The following HS2ST1 variants were observed in gnomAD, a reference collection of about 807,000 sequenced individuals.
The protein encoded by HS2ST1 is 2-O-sulfotransferase.
Under a neutral mutation model 42.9 loss-of-function variants are expected in HS2ST1, and 18 were observed. That is an observed-to-expected ratio of 0.42 (90% confidence interval 0.29 to 0.62). HS2ST1 has a LOEUF of 0.62. Among genes scored for constraint, HS2ST1 ranks in the 20% least tolerant of loss-of-function variants. The probability of loss-of-function intolerance (pLI) is 0.21; values close to 1 mark genes in which losing one functional copy is unlikely to be tolerated. For missense variants in HS2ST1, 334 were observed against 433.8 expected (o/e 0.77, Z 2.04); for synonymous variants, 146 against 152.9 (o/e 0.95, Z 0.33).
chr1:87,089,538 A>G (rs139071781), intron 3 of HS2ST1, among the ~76,000 whole-genome samples: 14 of 152,186 alleles, frequency 9.2e-5, no homozygotes, highest in African/African-American at 3.4e-4. Context: ...TAGCTCCTAT[A>G]GAAACTAGCT....
At position 86,961,258 on chromosome 1, in the gene HS2ST1, A is replaced by T. The variant is rs549932150; in HGVS notation, c.124+46098A>T. Reference sequence around the variant, plus strand: ...TCCATTAAAAAAAAAAATTCCTTGAACTATACAAGCAATAAAATGAACTAC... The same window carrying T: ...TCCATTAAAAAAAAAAATTCCTTGATCTATACAAGCAATAAAATGAACTAC... On this transcript the variant is annotated intron_variant, in intron 1 of 6. Coordinates refer to ENST00000370550, the MANE Select transcript of HS2ST1 (RefSeq NM_012262.4). 1.2e-4 allele frequency among the ~76,000 whole-genome samples: 18 copies of T among 152,212 alleles called. No homozygotes were observed. The East Asian group carries it at 3.5e-3, about 29-fold the overall frequency.
chr1:86,976,651 A>G (rs1334069538), intron 1 of HS2ST1, among the ~76,000 whole-genome samples: 5 of 145,152 alleles, frequency 3.4e-5, no homozygotes, highest in Admixed American at 7.1e-5. Context: ...GAATGAGTCT[A>G]TTATTTCTGT....
At position 87,109,476 on chromosome 1, in the gene HS2ST1, T is replaced by TA. The variant is rs985115427; in HGVS notation, c.*4787dup. On this transcript the variant is annotated 3_prime_UTR_variant, in exon 7 of 7. Transcript: ENST00000370550. ...AAAATAGAGAAAGGGCTATTAGAAT[T>TA]AAAAAAATTTGAAAGTAACTTAATC... The TA allele has an allele frequency of 1.3e-4, 19 of 151,930 alleles. No homozygotes were observed. Among genetic ancestry groups the TA allele is most frequent in the African/African-American group, 4.1e-4 (17 of 41,418 alleles). The allele number at this position is 151,930 out of a possible 1,614,324, so 9.4% of individuals were successfully genotyped here.
chr1:86,964,498 C>T (rs569243108), intron 1 of HS2ST1, among the ~76,000 whole-genome samples: 119 of 152,316 alleles, frequency 7.8e-4, no homozygotes, highest in African/African-American at 2.7e-3. Context: ...ACCAGTCAGG[C>T]GTGGCGGCAC....
intron 1 of HS2ST1, among the ~76,000 whole-genome samples, chr1:86,988,216 G>A (rs1321119984): frequency 6.6e-6 from 1 of 152,198 alleles, no homozygotes; most frequent in Non-Finnish European, 1.5e-5. Flanking sequence ...GCAAAGGGAA[G>A]ACTTGTTATG....
intron 1 of HS2ST1, among the ~76,000 whole-genome samples, chr1:86,935,944 A>G (rs751775418): frequency 3.3e-5 from 5 of 152,202 alleles, no homozygotes; most frequent in Non-Finnish European, 7.3e-5. Context: ...CCGTAATACA[A>G]TTATCAAACA....
chr1:86,992,296 T>C (rs1648975452), intron 1 of HS2ST1, among the ~76,000 whole-genome samples: 1 of 151,730 alleles, frequency 6.6e-6, no homozygotes, highest in Non-Finnish European at 1.5e-5. Flanking sequence ...AACATTCTCA[T>C]CTTGAATAAC....
chr1:87,045,346 A>T, intron 1 of HS2ST1: 1 of 1,311,702 alleles, frequency 7.6e-7, no homozygotes, highest in Non-Finnish European at 1.1e-6. Context: ...ACTTCTTGTG[A>T]TTATTAGCTT....
chr1:87,084,786 C>T (rs929620706), intron 3 of HS2ST1, among the ~76,000 whole-genome samples: 3 of 151,556 alleles, frequency 2.0e-5, no homozygotes, highest in Non-Finnish European at 2.9e-5. Flanking sequence ...CCCCCCCTCT[C>T]CTTCTCCCTC....
At chr1:87,059,893 G>A (rs974979315) in intron 1 of HS2ST1, among the ~76,000 whole-genome samples, 1 of 152,018 alleles carries the variant, frequency 6.6e-6, no homozygotes, top group Non-Finnish European at 1.5e-5. Context: ...TGAATAATAG[G>A]TCTCATCTCT....
chr1:86,968,514 C>T (rs943599391), intron 1 of HS2ST1, among the ~76,000 whole-genome samples: 1 of 151,904 alleles, frequency 6.6e-6, no homozygotes, highest in African/African-American at 2.4e-5. Context: ...AAGTGATTCT[C>T]CCACCTCAGC....
At chr1:86,945,087 G>C (rs1028259847) in intron 1 of HS2ST1, among the ~76,000 whole-genome samples, 1 of 152,030 alleles carries the variant, frequency 6.6e-6, no homozygotes, top group Admixed American at 6.6e-5. Flanking sequence ...AAGCTTCGGG[G>C]GTCAGACTGA....
At chr1:87,101,153 T>G (rs1216929271) in intron 5 of HS2ST1, among the ~76,000 whole-genome samples, 29 of 85,910 alleles carry the variant, frequency 3.4e-4, no homozygotes, top group African/African-American at 1.6e-3. Flanking sequence ...GTGTGTGTTT[T>G]TTGTTTTTTT....
chr1:87,001,955 C>A (rs2100570013), intron 1 of HS2ST1, among the ~76,000 whole-genome samples: 1 of 148,296 alleles, frequency 6.7e-6, no homozygotes, highest in Non-Finnish European at 1.5e-5. Context: ...CTGTGTTGCC[C>A]AGGCTGTAGT....
chr1:86,993,107 T>G, intron 1 of HS2ST1: 1 of 1,601,656 alleles, frequency 6.2e-7, no homozygotes, highest in Non-Finnish European at 8.5e-7. Context: ...TTCATTCATC[T>G]CGAAGTATTC....
chr1:86,940,896 A>G (rs537579434), intron 1 of HS2ST1, among the ~76,000 whole-genome samples: 74 of 152,246 alleles, frequency 4.9e-4, no homozygotes, highest in African/African-American at 1.8e-3. Context: ...TGAGGGGCTG[A>G]GGTGTCAGGA....
intron 1 of HS2ST1, among the ~76,000 whole-genome samples, chr1:87,013,211 C>T (rs1649653530): frequency 6.6e-6 from 1 of 152,260 alleles, no homozygotes; most frequent in South Asian, 2.1e-4. Context: ...CAGAGGTTCT[C>T]TATGAGGGCC....
chr1:87,101,149 GTTTTTTGTTTTTTTTTTTTTT>G (rs1358571053), intron 5 of HS2ST1, among the ~76,000 whole-genome samples: 14 of 59,540 alleles, frequency 2.4e-4, no homozygotes, highest in African/African-American at 2.0e-4. Context: ...GTGTGTGTGT[GTTTTTTGTTTTTTTTTTTTTT>G]TTTTTTTTTT....
intron 1 of HS2ST1, among the ~76,000 whole-genome samples, chr1:87,044,347 AC>A (rs1316550587): frequency 6.6e-6 from 1 of 152,118 alleles, no homozygotes; most frequent in African/African-American, 2.4e-5. Flanking sequence ...ACTATAAATA[AC>A]CTGAAACTAT....
Sources: allele counts gnomAD v4.1 joint callset (sites outside exome capture counted in the v4.1 genomes callset), GRCh38; gene constraint gnomAD v4.1.1; transcripts MANE v1.5; gene names NCBI Gene and HGNC (gene_info 2026-07-23, HGNC 2026-07-21).